CBR4: variants seen among roughly 807,000 people sequenced by gnomAD.
The protein encoded by CBR4 is carbonyl reductase 4, also known as 3-oxoacyl-[acyl-carrier-protein] reductase.
In CBR4, 22 loss-of-function variants were observed where a neutral mutation model predicts 21.0. The ratio of observed to expected loss-of-function variants is 1.05; its 90% CI spans 0.75 to 1.50. The LOEUF (loss-of-function observed/expected upper bound fraction) is 1.50, where lower values mean the gene tolerates loss of function less well. CBR4 is among the 40% of genes most tolerant of loss of function. The pLI, the probability that CBR4 is intolerant of heterozygous loss-of-function variation, is 0.00. For synonymous variants in CBR4, 100 were observed against 104.4 expected, an observed-to-expected ratio of 0.96 and a Z score of 0.26; for missense variants, 302 against 286.3, an observed-to-expected ratio of 1.05 and a Z score of -0.40.
chr4:168,917,038 GT>G (rs1216850276), intron 2 of CBR4, among the ~76,000 whole-genome samples: 2 of 135,420 alleles, frequency 1.5e-5, no homozygotes, highest in South Asian at 2.3e-4. Flanking sequence ...AGGGCTTTTT[GT>G]TTTTTTGGGG....
At chr4:168,971,005 G>A (rs1037530958) in intron 2 of CBR4, among the ~76,000 whole-genome samples, 1 of 152,156 alleles carries the variant, frequency 6.6e-6, no homozygotes, top group African/African-American at 2.4e-5. Context: ...GAGCGGGATT[G>A]CTGGATCAAA....
chr4:169,009,059 CA>C (rs34403282), intron 1 of CBR4: 175,720 of 351,982 alleles, frequency 0.5, 23,293 homozygotes, highest in East Asian at 0.62. Flanking sequence ...GAAGCCCTCT[CA>C]AAAAAAAAAA....
chr4:169,009,383 A>C (rs1235435746), intron 1 of CBR4, among the ~76,000 whole-genome samples: 2 of 152,260 alleles, frequency 1.3e-5, no homozygotes, highest in African/African-American at 4.8e-5. Flanking sequence ...ATAACATTAA[A>C]GCAAACCAGG....
intron 2 of CBR4, among the ~76,000 whole-genome samples, chr4:168,964,270 A>G (rs912384480): frequency 2.6e-5 from 4 of 152,212 alleles, no homozygotes; most frequent in African/African-American, 7.2e-5. Context: ...CTGAGTATGC[A>G]TATGTTCTCT....
At chr4:168,955,876 G>A (rs1763670943) in intron 2 of CBR4, among the ~76,000 whole-genome samples, 2 of 152,118 alleles carry the variant, frequency 1.3e-5, no homozygotes, top group African/African-American at 4.8e-5. Flanking sequence ...ACAGAGAAAG[G>A]TGAGATTAAA....
chr4:168,968,943 G>A (rs1315841220), intron 2 of CBR4, among the ~76,000 whole-genome samples: 1 of 152,186 alleles, frequency 6.6e-6, no homozygotes, highest in Non-Finnish European at 1.5e-5. Context: ...TATGCATTCA[G>A]GAAGTGGGAA....
chr4:169,003,918 G>C (rs1347517795), intron 3 of CBR4, among the ~76,000 whole-genome samples: 1 of 152,100 alleles, frequency 6.6e-6, no homozygotes, highest in Non-Finnish European at 1.5e-5. Flanking sequence ...ACACAGGAAG[G>C]GGAACATCAC....
At chr4:168,940,096 AGACCAATG>A (rs1278080504) in intron 2 of CBR4, among the ~76,000 whole-genome samples, 1 of 152,236 alleles carries the variant, frequency 6.6e-6, no homozygotes, top group Non-Finnish European at 1.5e-5. Context: ...ACAGATATAT[AGACCAATG>A]GAACAGAACA....
At chr4:168,992,840 G>A (rs991366437) in intron 4 of CBR4, among the ~76,000 whole-genome samples, 7 of 152,092 alleles carry the variant, frequency 4.6e-5, no homozygotes, top group Non-Finnish European at 1.0e-4. Context: ...CCTTCAGATA[G>A]TCTGTAATGA....
In CBR4 at chr4:168,977,043, G is replaced by T. The variant is rs146316229; in HGVS notation, n.169+25028C>A. Among the ~76,000 whole-genome samples the T allele has an allele frequency of 4.8e-3, 737 of 152,316 alleles. 7 individuals carry two copies. The highest frequency in any genetic ancestry group is 5.5e-3 in the Admixed American group (84 of 15,300). On this transcript the variant is annotated intron_variant and non_coding_transcript_variant, in intron 2 of 3. Coordinates refer to the CBR4 transcript ENST00000509108. ...TTTTTGCTGTCTCACAGCATTTGCA[G>T]TGACAAGCCACTTCTTACAAAGGGT...
chr4:168,896,754 T>C (rs1755269890), intron 2 of CBR4, among the ~76,000 whole-genome samples: 1 of 152,228 alleles, frequency 6.6e-6, no homozygotes. Flanking sequence ...ATACACAAAA[T>C]TACTGCAACA....
intron 2 of CBR4, among the ~76,000 whole-genome samples, chr4:168,958,625 T>C (rs891575319): frequency 2.0e-5 from 3 of 152,232 alleles, no homozygotes; most frequent in Non-Finnish European, 4.4e-5. Context: ...ATGTTCAACT[T>C]TTTAAGAGAA....
intron 2 of CBR4, among the ~76,000 whole-genome samples, chr4:168,924,699 A>G (rs1327683944): frequency 2.0e-5 from 3 of 152,210 alleles, no homozygotes; most frequent in South Asian, 2.1e-4. Context: ...ATAAAAGACT[A>G]TTCAGTGGTT....
At chr4:168,906,739 C>T (rs1345660169) in intron 2 of CBR4, among the ~76,000 whole-genome samples, 3 of 152,198 alleles carry the variant, frequency 2.0e-5, no homozygotes, top group Admixed American at 6.5e-5. Context: ...GTCCTCCCAT[C>T]TCAGCCTCCC....
At chr4:168,975,155 T>G (rs1363348968) in intron 2 of CBR4, among the ~76,000 whole-genome samples, 4 of 152,184 alleles carry the variant, frequency 2.6e-5, no homozygotes, top group Non-Finnish European at 5.9e-5. Flanking sequence ...AGAGCCAGAC[T>G]GCAGTGATTG....
At chr4:168,963,977 G>A (rs1418952315) in intron 2 of CBR4, among the ~76,000 whole-genome samples, 2 of 152,040 alleles carry the variant, frequency 1.3e-5, no homozygotes, top group Non-Finnish European at 2.9e-5. Flanking sequence ...ACAATGAATG[G>A]CAGTATTCCC....
At chr4:168,932,233 C>T (rs1762989372) in intron 2 of CBR4, among the ~76,000 whole-genome samples, 2 of 148,472 alleles carry the variant, frequency 1.3e-5, no homozygotes, top group South Asian at 4.2e-4. Context: ...AGAAATTCAA[C>T]AAAGAACATA....
intron 2 of CBR4, among the ~76,000 whole-genome samples, chr4:168,964,965 CA>C (rs1763975928): frequency 6.6e-6 from 1 of 151,976 alleles, no homozygotes. Context: ...ATCCATGTAT[CA>C]AACTAAAACT....
Position 168,987,839 on chromosome 4 carries a change from C to T in CBR4, c.*2311G>A. On this transcript the variant is annotated 3_prime_UTR_variant, in exon 5 of 5. Coordinates refer to ENST00000306193, the MANE Select transcript of CBR4 (RefSeq NM_032783.5). ...ACTAATTTATAACATATAATTATCT[C>T]CCTAAAAAGCAGTTACAAACCATAA... 1 of 977,396 alleles carries T rather than the reference C, an allele frequency of 1.0e-6. No individual in the cohort carries two copies. The allele number at this position is 977,396 out of a possible 1,614,324, so 60.5% of individuals were successfully genotyped here.
Sources: gnomAD v4.1 joint callset for allele counts (sites outside exome capture counted in the v4.1 genomes callset) on GRCh38, gnomAD v4.1.1 for gene constraint, MANE v1.5 for transcripts, NCBI Gene and HGNC (gene_info 2026-07-23, HGNC 2026-07-21) for gene names.